Variants in PDE7B observed in about 807,000 individuals in gnomAD.
The protein encoded by PDE7B is phosphodiesterase 7B.
Under a neutral mutation model 56.2 loss-of-function variants are expected in PDE7B, and 29 were observed. The observed-to-expected ratio is 0.52, with a 90% CI of 0.38 to 0.70. The LOEUF (loss-of-function observed/expected upper bound fraction) is 0.70, where lower values mean the gene tolerates loss of function less well. PDE7B is among the 30% of genes least tolerant of loss of function. PDE7B has a pLI of 0.00. For missense variants in PDE7B, 490 were observed against 565.0 expected (o/e 0.87, Z 1.35); for synonymous variants, 197 against 196.9 (o/e 1.00, Z 0.00).
chr6:135,965,519 C>T (rs1369387701), intron 2 of PDE7B, among the ~76,000 whole-genome samples: 2 of 152,130 alleles, frequency 1.3e-5, no homozygotes, highest in South Asian at 2.1e-4. Context: ...TTGATGGGCC[C>T]ACAGTTCCAC....
chr6:135,927,044 T>C (rs1238363901), intron 1 of PDE7B, among the ~76,000 whole-genome samples: 1 of 152,248 alleles, frequency 6.6e-6, no homozygotes, highest in Admixed American at 6.5e-5. Flanking sequence ...CTAACATACT[T>C]GTTAGCATAT....
intron 2 of PDE7B, among the ~76,000 whole-genome samples, chr6:135,959,642 G>A (rs2128201208): frequency 6.6e-6 from 1 of 152,126 alleles, no homozygotes. Context: ...CTTCCCTCAT[G>A]AATCATGTTT....
At chr6:135,994,838 T>TA (rs1375880649) in intron 2 of PDE7B, among the ~76,000 whole-genome samples, 3 of 152,200 alleles carry the variant, frequency 2.0e-5, no homozygotes, top group African/African-American at 4.8e-5. Flanking sequence ...GCTCTCATTT[T>TA]AAAAAATATT....
chr6:136,161,114 T>C (rs1479247751), intron 8 of PDE7B, among the ~76,000 whole-genome samples: 1 of 152,164 alleles, frequency 6.6e-6, no homozygotes, highest in African/African-American at 2.4e-5. Context: ...TAATATACAA[T>C]AGAGTATGTT....
At chr6:135,984,764 G>A (rs1775348904) in intron 2 of PDE7B, among the ~76,000 whole-genome samples, 1 of 152,108 alleles carries the variant, frequency 6.6e-6, no homozygotes, top group Admixed American at 6.6e-5. Flanking sequence ...TGTGTTGTTT[G>A]AGTTTGTCAC....
intron 1 of PDE7B, among the ~76,000 whole-genome samples, chr6:135,878,429 A>G (rs1481294960): frequency 6.6e-6 from 1 of 152,216 alleles, no homozygotes; most frequent in South Asian, 2.1e-4. Context: ...TTAATATTCA[A>G]AATAACTTTG....
chr6:135,912,786 G>A (rs1183410500), intron 1 of PDE7B, among the ~76,000 whole-genome samples: 1 of 152,022 alleles, frequency 6.6e-6, no homozygotes, highest in East Asian at 1.9e-4. Flanking sequence ...TTCATCACAG[G>A]CATTATTTCA....
chr6:135,893,500 G>T (rs1263997684), intron 1 of PDE7B, among the ~76,000 whole-genome samples: 1 of 152,062 alleles, frequency 6.6e-6, no homozygotes, highest in Non-Finnish European at 1.5e-5. Flanking sequence ...CCAAGTCTTT[G>T]CTATTGTGAA....
chr6:136,005,493 C>T (rs1775764392), intron 2 of PDE7B, among the ~76,000 whole-genome samples: 1 of 152,102 alleles, frequency 6.6e-6, no homozygotes, highest in Admixed American at 6.6e-5. Context: ...ACAATGAACT[C>T]CAACAAATTT....
chr6:136,147,294 G>A, intron 3 of PDE7B, 57 bp from the exon 4 acceptor site: 1 of 1,166,508 alleles, frequency 8.6e-7, no homozygotes, highest in South Asian at 1.6e-5. Flanking sequence ...TTACAGAGTG[G>A]AGAAAATTGG....
At chr6:135,929,639 G>A (rs1298603541) in intron 1 of PDE7B, among the ~76,000 whole-genome samples, 1 of 152,064 alleles carries the variant, frequency 6.6e-6, no homozygotes, top group Non-Finnish European at 1.5e-5. Context: ...AAGTACATAT[G>A]TGACTTGCTT....
intron 2 of PDE7B, among the ~76,000 whole-genome samples, chr6:135,988,931 G>A (rs759527277): frequency 2.0e-5 from 3 of 152,216 alleles, no homozygotes; most frequent in Non-Finnish European, 2.9e-5. Flanking sequence ...AAATAAAATC[G>A]ATCTGTCTGT....
In PDE7B at chr6:136,173,905, T is replaced by C; in HGVS notation, c.803+17T>C. On this transcript the variant is annotated intron_variant, in intron 9 of 12. Transcript: ENST00000308191. ...GGAAATGACGTAAGTGCTGCCGAGA[T>C]GAAACATACTGATGTGCATGCAGTA... 6.5e-7 allele frequency: 1 copy of C among 1,544,656 alleles called. No homozygotes were observed. Among genetic ancestry groups the C allele is most frequent in the South Asian group, 1.1e-5 (1 of 89,678 alleles).
At chr6:135,870,211 TAGGAATATAGGACCAAATGG>T (rs1159220586) in intron 1 of PDE7B, among the ~76,000 whole-genome samples, 2 of 152,050 alleles carry the variant, frequency 1.3e-5, no homozygotes, top group Non-Finnish European at 1.5e-5. Context: ...GTATTTACTA[TAGGAATATAGGACCAAATGG>T]TGGATTGGAT....
chr6:135,978,497 ATAAAT>A (rs1369167945), intron 2 of PDE7B, among the ~76,000 whole-genome samples: 2 of 152,252 alleles, frequency 1.3e-5, no homozygotes, highest in South Asian at 2.1e-4. Flanking sequence ...TTCTTCAAGA[ATAAAT>A]TAACCGTAGC....
Position 135,963,234 on chromosome 6 carries a change from G to A in PDE7B, c.82+15710G>A, listed in dbSNP as rs193265029. ...AATACATGTTTCAATTATGCCAGGG[G>A]AATTTGCAGTTTTCATTAAGCTAAG... On this transcript the variant is annotated intron_variant, in intron 2 of 12. Transcript: ENST00000308191. Among the ~76,000 whole-genome samples the A allele has an allele frequency of 9.0e-3, 1,377 of 152,248 alleles. 28 individuals carry two copies. Among genetic ancestry groups the A allele is most frequent in the African/African-American group, 0.031 (1,286 of 41,536 alleles).
chr6:136,109,046 G>T (rs1777702918), intron 3 of PDE7B, among the ~76,000 whole-genome samples: 1 of 152,094 alleles, frequency 6.6e-6, no homozygotes, highest in Non-Finnish European at 1.5e-5. Flanking sequence ...GATCAGGTCA[G>T]CTTTAAAAGT....
chr6:136,175,348 G>A (rs754334435), intron 9 of PDE7B, among the ~76,000 whole-genome samples: 1 of 152,092 alleles, frequency 6.6e-6, no homozygotes. Flanking sequence ...AGTAGGGCAG[G>A]TTAATTGTAG....
At chr6:136,182,758 C>T (rs1779086269) in intron 11 of PDE7B, among the ~76,000 whole-genome samples, 1 of 152,148 alleles carries the variant, frequency 6.6e-6, no homozygotes, top group African/African-American at 2.4e-5. Flanking sequence ...ATGGTATCAA[C>T]CAAGAAATGT....
Sources: gnomAD v4.1 joint callset for allele counts (sites outside exome capture counted in the v4.1 genomes callset) on GRCh38, gnomAD v4.1.1 for gene constraint, MANE v1.5 for transcripts, NCBI Gene and HGNC (gene_info 2026-07-23, HGNC 2026-07-21) for gene names.